Variants in STUM observed in about 807,000 individuals in gnomAD.
STUM encodes the protein stum, mechanosensory transduction mediator homolog, also known as protein stum homolog.
STUM carries 8 observed loss-of-function variants against 15.3 expected under a neutral mutation model. The ratio of observed to expected loss-of-function variants is 0.52; its 90% CI spans 0.31 to 0.94. The LOEUF is 0.94. STUM is among the 40% of genes least tolerant of loss of function. STUM has a pLI of 0.05. For synonymous variants in STUM, 78 were observed against 88.7 expected, an observed-to-expected ratio of 0.88 and a Z score of 0.68; for missense variants, 142 against 204.9, an observed-to-expected ratio of 0.69 and a Z score of 1.87.
chr1:226,600,197 A>C lies in STUM; in HGVS notation c.383-469A>C, dbSNP rs1668243491. Among the ~76,000 whole-genome samples, 1 of 151,966 alleles carries C rather than the reference A, an allele frequency of 6.6e-6. No homozygotes were observed. The highest frequency in any genetic ancestry group is 1.5e-5 in the Non-Finnish European group (1 of 67,994). On this transcript the variant is annotated intron_variant, in intron 2 of 3. Transcript: ENST00000366788. This position sits in a 1 kb window ranked among gnomAD's most constrained non-coding sequence, Gnocchi z 5.2. ...TGCCTGTATCTCAGCATGTTGGGAG[A>C]CTGAGGCAGGAGGATCACTTGAGAC... is the stretch of plus-strand genomic sequence containing the variant.
intron 1 of STUM, among the ~76,000 whole-genome samples, chr1:226,591,141 A>AT (rs1310590810): frequency 6.6e-6 from 1 of 152,208 alleles, no homozygotes; most frequent in African/African-American, 2.4e-5. Flanking sequence ...TGCTAAAACC[A>AT]TTTTTTAAAT....
intron 1 of STUM, among the ~76,000 whole-genome samples, chr1:226,579,806 A>AT (rs1491466361): frequency 2.0e-5 from 3 of 151,164 alleles, no homozygotes; most frequent in Admixed American, 6.6e-5. Context: ...TAAAAAAAAA[A>AT]TTTTTTTTTG....
At position 226,602,391 on chromosome 1, in the gene STUM, C is replaced by T. The variant is rs1668283204; in HGVS notation, c.*351C>T. ...CAAAGGCACGCCACGTCTGCTGGGCCGGGCCACACCGGGCCCTGTCTGGGT... is the reference window on the plus strand; with the variant it reads ...CAAAGGCACGCCACGTCTGCTGGGCTGGGCCACACCGGGCCCTGTCTGGGT... On this transcript the variant is annotated 3_prime_UTR_variant, in exon 4 of 4. Transcript: ENST00000366788. 4.8e-5 allele frequency: 14 copies of T among 292,642 alleles called. No individual in the cohort carries two copies. The highest frequency in any genetic ancestry group is 3.3e-4 in the South Asian group (7 of 21,202). The allele number at this position is 292,642 out of a possible 1,614,324, so 18.1% of individuals were successfully genotyped here. A position where few individuals can be genotyped will look rare whatever the true frequency, so the allele number is the denominator to read the frequency against.
chr1:226,576,852 G>T (rs557467596), intron 1 of STUM, among the ~76,000 whole-genome samples: 7 of 152,328 alleles, frequency 4.6e-5, no homozygotes, highest in African/African-American at 1.7e-4. Context: ...TCTCTGGAGA[G>T]CTATTCATTT....
intron 3 of STUM, 37 bp from the exon 4 acceptor site, chr1:226,601,969 G>A: frequency 6.2e-7 from 1 of 1,600,336 alleles, no homozygotes; most frequent in Non-Finnish European, 8.5e-7. Context: ...GAAGTAAGCA[G>A]GTGTCTAACC....
At chr1:226,582,319 G>T (rs543610120) in intron 1 of STUM, among the ~76,000 whole-genome samples, 397 of 152,268 alleles carry the variant, frequency 2.6e-3, no homozygotes, top group African/African-American at 9.3e-3. Context: ...TGGGCTGGGC[G>T]CAGTGGCTCA....
At chr1:226,562,175 C>G (rs779805000) in intron 1 of STUM, among the ~76,000 whole-genome samples, 6 of 152,060 alleles carry the variant, frequency 3.9e-5, no homozygotes, top group Non-Finnish European at 8.8e-5. Context: ...GTGATATGAA[C>G]ATTGCATCTC....
chr1:226,569,063 CT>C (rs5781440), intron 1 of STUM, among the ~76,000 whole-genome samples: 35,235 of 146,628 alleles, frequency 0.24, 6,973 homozygotes, highest in African/African-American at 0.55. Flanking sequence ...CTGGGGATGA[CT>C]TTTTTTTTTT....
At chr1:226,559,830 G>A (rs1385332886) in intron 1 of STUM, among the ~76,000 whole-genome samples, 4 of 152,078 alleles carry the variant, frequency 2.6e-5, no homozygotes, top group Non-Finnish European at 4.4e-5. Context: ...AAAATTAGCC[G>A]GGCATGGTGG....
intron 1 of STUM, among the ~76,000 whole-genome samples, chr1:226,563,824 G>A (rs1338844270): frequency 1.3e-5 from 2 of 152,224 alleles, no homozygotes; most frequent in Admixed American, 1.3e-4. Flanking sequence ...GGTCATGTGG[G>A]TTGAACGTGC....
rs1378278404 is a variant in STUM at position 226,565,119 on chromosome 1, G to T, written c.202+16013G>T. 6.6e-6 allele frequency among the ~76,000 whole-genome samples: 1 copy of T among 152,170 alleles called. No individual in the cohort carries two copies. Among genetic ancestry groups the T allele is most frequent in the African/African-American group, 2.4e-5 (1 of 41,448 alleles). ...GAAAGGAGGGAGAGTTTGGGGTATT[G>T]GTTTCCCATTCCCTCCAACTTCCTG... On this transcript the variant is annotated intron_variant, in intron 1 of 3. Transcript: ENST00000366788. The surrounding 1 kb of genome is among the most constrained non-coding windows in gnomAD (Gnocchi z 4.4).
intron 1 of STUM, among the ~76,000 whole-genome samples, chr1:226,576,232 C>T (rs1667812680): frequency 6.6e-6 from 1 of 152,172 alleles, no homozygotes; most frequent in Admixed American, 6.5e-5. Flanking sequence ...ACACAGTCTC[C>T]CAGAGCTGCT....
chr1:226,607,108 CTG>C lies in STUM; in HGVS notation c.*5071_*5072del, dbSNP rs1393499108. The C allele has an allele frequency of 6.6e-6, 1 of 152,468 alleles. No individual in the cohort carries two copies. Among genetic ancestry groups the C allele is most frequent in the African/African-American group, 2.4e-5 (1 of 41,468 alleles). The allele number at this position is 152,468 out of a possible 1,614,324, so 9.4% of individuals were successfully genotyped here. A position where few individuals can be genotyped will look rare whatever the true frequency, so the allele number is the denominator to read the frequency against. ...GCGCCAGCCTGGTCAGGGGAGGTGA[CTG>C]TGGTCCTTCTGACCAGCTTGGATCT... On this transcript the variant is annotated 3_prime_UTR_variant, in exon 4 of 4. Coordinates refer to ENST00000366788, the MANE Select transcript of STUM (RefSeq NM_001003665.4).
In STUM at chr1:226,558,524, C is replaced by T. The variant is rs1293283977; in HGVS notation, c.202+9418C>T. On this transcript the variant is annotated intron_variant, in intron 1 of 3. Transcript: ENST00000366788. The stretch of plus-strand genomic sequence containing the variant: ...TGCTGGCTTGAAGGGGAAGGGCACA[C>T]GTTCTCCAGGGCTTAGTTCAACACA... 3.3e-5 allele frequency among the ~76,000 whole-genome samples: 5 copies of T among 152,270 alleles called. No individual in the cohort carries two copies. The East Asian group carries it at 5.8e-4, about 18-fold the overall frequency.
chr1:226,551,639 G>C (rs1369223545), intron 1 of STUM, among the ~76,000 whole-genome samples: 21 of 152,240 alleles, frequency 1.4e-4, no homozygotes. Flanking sequence ...ATGAAATGCA[G>C]CTTCTTTCAA....
At chr1:226,581,517 G>T (rs1003097279) in intron 1 of STUM, among the ~76,000 whole-genome samples, 13 of 152,178 alleles carry the variant, frequency 8.5e-5, no homozygotes, top group Non-Finnish European at 7.3e-5. Flanking sequence ...GGCATCACTT[G>T]GTGACAGGGC....
chr1:226,554,265 A>C (rs944926793), intron 1 of STUM, among the ~76,000 whole-genome samples: 2 of 152,232 alleles, frequency 1.3e-5, no homozygotes, highest in Admixed American at 6.5e-5. Flanking sequence ...ATGGCATGGC[A>C]TGTGAATCAG....
chr1:226,566,374 T>C (rs1667626709), intron 1 of STUM, among the ~76,000 whole-genome samples: 1 of 152,150 alleles, frequency 6.6e-6, no homozygotes, highest in Non-Finnish European at 1.5e-5. Context: ...TCTTGTGTGA[T>C]TTGTGTGCAG....
chr1:226,554,051 C>T (rs1280999098), intron 1 of STUM, among the ~76,000 whole-genome samples: 1 of 152,210 alleles, frequency 6.6e-6, no homozygotes, highest in East Asian at 1.9e-4. Flanking sequence ...CTCCCCTGTC[C>T]ACTGATACCC....
Sources: gnomAD v4.1 joint callset for allele counts (sites outside exome capture counted in the v4.1 genomes callset) on GRCh38, gnomAD v4.1.1 for gene constraint, Gnocchi (gnomAD v3.1) non-coding constraint, MANE v1.5 for transcripts, NCBI Gene and HGNC (gene_info 2026-07-23, HGNC 2026-07-21) for gene names.